RBFOX1: variants seen among roughly 807,000 people sequenced by gnomAD.
RBFOX1 encodes RNA binding fox-1 homolog 1, also known as RNA binding protein fox-1 homolog 1.
A neutral mutation model predicts 57.7 loss-of-function variants in RBFOX1; 8 were observed. That is an observed-to-expected ratio of 0.14 (90% CI 0.08 to 0.25). The LOEUF (loss-of-function observed/expected upper bound fraction) is 0.25. RBFOX1 is among the 10% of genes least tolerant of loss of function. RBFOX1 has a pLI of 1.00. For synonymous variants in RBFOX1, 326 were observed against 222.4 expected (o/e 1.47, Z -4.15); for missense variants, 611 against 548.5 (o/e 1.11, Z -1.14).
intron 1 of RBFOX1, among the ~76,000 whole-genome samples, chr16:6,131,973 C>G (rs1214307049): frequency 6.6e-6 from 1 of 152,162 alleles, no homozygotes; most frequent in African/African-American, 2.4e-5. Context: ...ACTGATCTGC[C>G]TTCGTGATGA....
chr16:7,604,469 A>G (rs2095200563), intron 9 of RBFOX1, among the ~76,000 whole-genome samples: 3 of 152,252 alleles, frequency 2.0e-5, no homozygotes. Flanking sequence ...GAGATAGCAC[A>G]GATCTCCTGA....
rs565821680 is a variant in RBFOX1 at position 6,710,313 on chromosome 16, A to G, written c.-16+55663A>G. 2.0e-5 allele frequency among the ~76,000 whole-genome samples: 3 copies of G among 152,330 alleles called. No homozygotes were observed. The South Asian group carries it at 6.2e-4, about 32-fold the overall frequency. ...CTGCATATGTACTTTTAGTTTTTTA[A>G]TGACTGCATTTTTTAACAGTAAAAA... On this transcript the variant is annotated intron_variant, in intron 3 of 15. Transcript: ENST00000550418.
At chr16:7,149,473 T>A (rs974681877) in intron 4 of RBFOX1, among the ~76,000 whole-genome samples, 4 of 143,076 alleles carry the variant, frequency 2.8e-5, no homozygotes, top group Non-Finnish European at 6.0e-5. Context: ...CTTTTTCTTT[T>A]CTTTCTTTCC....
At chr16:6,889,571 C>T (rs144801656) in intron 3 of RBFOX1, among the ~76,000 whole-genome samples, 1 of 152,194 alleles carries the variant, frequency 6.6e-6, no homozygotes, top group African/African-American at 2.4e-5. Flanking sequence ...TTAGTATTTG[C>T]AACATATACA....
intron 2 of RBFOX1, among the ~76,000 whole-genome samples, chr16:5,590,512 CATT>C (rs1401085945): frequency 6.6e-6 from 1 of 152,122 alleles, no homozygotes; most frequent in Non-Finnish European, 1.5e-5. Context: ...GCCTCGGTGT[CATT>C]ATGATGAGCT....
chr16:7,548,682 C>T (rs956835923), intron 5 of RBFOX1, among the ~76,000 whole-genome samples: 3 of 152,170 alleles, frequency 2.0e-5, no homozygotes, highest in East Asian at 3.9e-4. Flanking sequence ...CAGCCAGTTT[C>T]GGCTGCTGTT....
At chr16:5,246,762 C>T (rs1472312532) in intron 1 of RBFOX1, among the ~76,000 whole-genome samples, 8 of 151,934 alleles carry the variant, frequency 5.3e-5, no homozygotes, top group Non-Finnish European at 1.2e-4. Flanking sequence ...CCTTGGCCTC[C>T]CAAGCTCAAT....
intron 3 of RBFOX1, among the ~76,000 whole-genome samples, chr16:6,942,308 C>G (rs978535943): frequency 2.6e-5 from 4 of 152,104 alleles, no homozygotes; most frequent in Non-Finnish European, 5.9e-5. Flanking sequence ...GCTGAGACCA[C>G]TGGCACACAC....
intron 3 of RBFOX1, among the ~76,000 whole-genome samples, chr16:6,999,536 T>G (rs913153391): frequency 6.6e-6 from 1 of 151,890 alleles, no homozygotes; most frequent in East Asian, 1.9e-4. Flanking sequence ...TATGAAAAAT[T>G]TCAAAAAAAC....
chr16:5,746,146 T>C (rs189675555), intron 3 of RBFOX1, among the ~76,000 whole-genome samples: 170 of 152,328 alleles, frequency 1.1e-3, no homozygotes, highest in African/African-American at 3.9e-3. Context: ...CAGTTTCAGC[T>C]TTCTCTATAT....
chr16:7,334,657 G>T (rs1000783100), intron 4 of RBFOX1, among the ~76,000 whole-genome samples: 2 of 152,178 alleles, frequency 1.3e-5, no homozygotes, highest in African/African-American at 2.4e-5. Context: ...TCCAGAGCTT[G>T]TTGGGAATTA....
chr16:5,673,015 T>A (rs1278340315), intron 3 of RBFOX1, among the ~76,000 whole-genome samples: 1 of 152,046 alleles, frequency 6.6e-6, no homozygotes, highest in Non-Finnish European at 1.5e-5. Flanking sequence ...CAGAGAAGCC[T>A]CCACTCTGGG....
chr16:7,684,017 T>C (rs1006726784), intron 14 of RBFOX1, among the ~76,000 whole-genome samples: 1 of 152,128 alleles, frequency 6.6e-6, no homozygotes, highest in Non-Finnish European at 1.5e-5. Context: ...TAGTATACTA[T>C]CTTTCAAGAT....
intron 1 of RBFOX1, among the ~76,000 whole-genome samples, chr16:5,421,613 C>T (rs765322243): frequency 1.3e-5 from 2 of 152,140 alleles, no homozygotes; most frequent in African/African-American, 4.8e-5. Context: ...AATCAATCAC[C>T]CCCACCCCGG....
intron 2 of RBFOX1, among the ~76,000 whole-genome samples, chr16:6,418,528 T>A (rs977578764): frequency 4.2e-4 from 59 of 139,868 alleles, no homozygotes; most frequent in South Asian, 3.4e-3. Flanking sequence ...TATTTTTTTT[T>A]TTTTTTTTTT....
intron 4 of RBFOX1, among the ~76,000 whole-genome samples, chr16:7,221,351 A>ATTTCTTTC (rs1351698600): frequency 1.3e-5 from 2 of 149,644 alleles, no homozygotes; most frequent in East Asian, 2.0e-4. Context: ...TTGATTATTT[A>ATTTCTTTC]TTTATTTATT....
intron 1 of RBFOX1, among the ~76,000 whole-genome samples, chr16:6,218,293 A>G (rs2097349322): frequency 6.6e-6 from 1 of 151,724 alleles, no homozygotes; most frequent in African/African-American, 2.4e-5. Context: ...TTATTTATTT[A>G]TTTATTTATT....
At chr16:6,078,658 G>C (rs2095949214) in intron 1 of RBFOX1, among the ~76,000 whole-genome samples, 1 of 142,472 alleles carries the variant, frequency 7.0e-6, no homozygotes, top group South Asian at 2.3e-4. Flanking sequence ...GCTGTGAGGA[G>C]GCTGAGACAA....
intron 2 of RBFOX1, among the ~76,000 whole-genome samples, chr16:5,541,765 A>G (rs1194347162): frequency 6.6e-6 from 1 of 152,166 alleles, no homozygotes; most frequent in African/African-American, 2.4e-5. Flanking sequence ...TTTTAAAACT[A>G]TTTAAACAAG....
Sources: allele counts gnomAD v4.1 joint callset (sites outside exome capture counted in the v4.1 genomes callset), GRCh38; gene constraint gnomAD v4.1.1; transcripts MANE v1.5; gene names NCBI Gene and HGNC (gene_info 2026-07-23, HGNC 2026-07-21).